CCDC141: variants seen among roughly 807,000 people sequenced by gnomAD.
CCDC141 encodes the protein coiled-coil domain-containing protein 141.
In CCDC141, 168 loss-of-function variants were observed where a neutral mutation model predicts 181.0. The ratio of observed to expected loss-of-function variants is 0.93; its 90% CI spans 0.82 to 1.05. CCDC141 has a LOEUF of 1.05. Ranked by LOEUF, CCDC141 falls within the 50% of genes least tolerant of loss-of-function variation. CCDC141 has a pLI of 0.00. For missense variants in CCDC141, 1,902 were observed against 1,788.5 expected (o/e 1.06, Z -1.14); for synonymous variants, 666 against 642.3 (o/e 1.04, Z -0.56).
At position 178,944,562 on chromosome 2, in the gene CCDC141, CT is replaced by C; in HGVS notation, c.869del (p.Lys290SerfsTer5). 6.5e-7 allele frequency: 1 copy of C among 1,530,004 alleles called. No individual in the cohort carries two copies. The highest frequency in any genetic ancestry group is 8.8e-7 in the Non-Finnish European group (1 of 1,134,172). The allele number at this position is 1,530,004 out of a possible 1,614,324, so 94.8% of individuals were successfully genotyped here. On this transcript the variant is annotated frameshift_variant, in exon 6 of 24. Coordinates refer to ENST00000443758, the MANE Select transcript of CCDC141 (RefSeq NM_173648.4). LOFTEE classifies it high-confidence loss of function. ...TTGCTTTTATTATCAGTTCCTCTTG[CT>C]TATGAATTCGATCCTCATTGTCTGA... ...SLSDNEDRIH[K>X]QEELIIKAKE...
intron 7 of CCDC141, among the ~76,000 whole-genome samples, chr2:178,906,051 T>C (rs901585320): frequency 6.6e-6 from 1 of 152,198 alleles, no homozygotes; most frequent in East Asian, 1.9e-4. Flanking sequence ...AAGGCATCCA[T>C]CTGTCTTCAG....
chr2:178,896,633 C>G (rs1474527734), intron 8 of CCDC141, among the ~76,000 whole-genome samples: 1 of 152,118 alleles, frequency 6.6e-6, no homozygotes, highest in African/African-American at 2.4e-5. Flanking sequence ...CAACAGGCTT[C>G]TTGTTATTGA....
intron 5 of CCDC141, among the ~76,000 whole-genome samples, chr2:178,957,727 T>C (rs1690221527): frequency 6.6e-6 from 1 of 152,172 alleles, no homozygotes; most frequent in Non-Finnish European, 1.5e-5. Context: ...GGGATATTTA[T>C]TTATTTATGT....
intron 6 of CCDC141, among the ~76,000 whole-genome samples, chr2:178,927,537 C>T (rs1437884414): frequency 6.6e-6 from 1 of 151,768 alleles, no homozygotes; most frequent in Non-Finnish European, 1.5e-5. Flanking sequence ...GCAAGGGGGT[C>T]GGTGTTATCA....
At chr2:179,041,179 T>TCCCTGCCTCCACGCCATTC (rs1286202752) in intron 2 of CCDC141, among the ~76,000 whole-genome samples, 1 of 152,052 alleles carries the variant, frequency 6.6e-6, no homozygotes, top group Non-Finnish European at 1.5e-5. Context: ...TCACGCCATT[T>TCCCTGCCTCCACGCCATTC]TCCTGCCTCC....
At chr2:178,897,844 T>C (rs1474631822) in intron 8 of CCDC141, among the ~76,000 whole-genome samples, 1 of 152,184 alleles carries the variant, frequency 6.6e-6, no homozygotes, top group Non-Finnish European at 1.5e-5. Flanking sequence ...AACTTTACCC[T>C]CACACAAGGT....
intron 2 of CCDC141, chr2:179,002,745 G>A (rs533449905): frequency 1.5e-4 from 23 of 155,686 alleles, no homozygotes; most frequent in Non-Finnish European, 1.1e-4. Context: ...CTCCAAGAGC[G>A]TCTACTTCTG....
chr2:179,018,362 G>C (rs574318268), intron 2 of CCDC141, among the ~76,000 whole-genome samples: 15 of 152,120 alleles, frequency 9.9e-5, no homozygotes, highest in Non-Finnish European at 1.6e-4. Context: ...TTATAGAAAC[G>C]CACTTAGTTT....
At chr2:178,872,978 G>T (rs1311976538) in intron 12 of CCDC141, 1 of 152,076 alleles carries the variant, frequency 6.6e-6, no homozygotes, top group Non-Finnish European at 1.5e-5. Context: ...TTTGAAACAA[G>T]GGGAAATTCA....
At chr2:179,032,734 A>T (rs1005992945) in intron 2 of CCDC141, among the ~76,000 whole-genome samples, 3 of 152,024 alleles carry the variant, frequency 2.0e-5, no homozygotes, top group African/African-American at 7.2e-5. Flanking sequence ...GAGGATGATC[A>T]TTTCATCTTT....
At chr2:178,914,123 G>A (rs1025997961) in intron 7 of CCDC141, among the ~76,000 whole-genome samples, 13 of 152,088 alleles carry the variant, frequency 8.5e-5, no homozygotes, top group Non-Finnish European at 1.3e-4. Flanking sequence ...CTATAATCCC[G>A]AAGGATGAAT....
At chr2:178,906,044 G>C (rs1212639748) in intron 7 of CCDC141, among the ~76,000 whole-genome samples, 1 of 152,056 alleles carries the variant, frequency 6.6e-6, no homozygotes, top group Non-Finnish European at 1.5e-5. Flanking sequence ...TCCATCCAAG[G>C]CATCCATCTG....
chr2:178,901,964 GACAA>G (rs1461036483), intron 8 of CCDC141, among the ~76,000 whole-genome samples: 1 of 152,062 alleles, frequency 6.6e-6, no homozygotes, highest in Non-Finnish European at 1.5e-5. Context: ...ACCAACAACA[GACAA>G]ACAGAGAGCC....
chr2:178,860,292 G>A (rs1045615907), intron 17 of CCDC141, among the ~76,000 whole-genome samples: 1 of 151,934 alleles, frequency 6.6e-6, no homozygotes, highest in African/African-American at 2.4e-5. Flanking sequence ...TATCACTTAG[G>A]GAGGCTGAGG....
chr2:178,905,198 T>C (rs1209551728), intron 8 of CCDC141, 131 bp downstream of exon 8: 1 of 801,152 alleles, frequency 1.2e-6, no homozygotes, highest in African/African-American at 1.8e-5. Context: ...CTTCAATAGA[T>C]CCTTTTAAGC....
chr2:178,886,969 A>C, intron 9 of CCDC141, 98 bp from the exon 10 acceptor site: 4 of 683,202 alleles, frequency 5.9e-6, no homozygotes, highest in Non-Finnish European at 8.6e-6. Flanking sequence ...ATAGATTCTC[A>C]TTATACTTGA....
At chr2:179,048,070 T>G (rs2043558341) in intron 1 of CCDC141, among the ~76,000 whole-genome samples, 1 of 152,200 alleles carries the variant, frequency 6.6e-6, no homozygotes, top group Non-Finnish European at 1.5e-5. Flanking sequence ...CCACACAAGA[T>G]TTACACTGCT....
chr2:179,021,479 C>T (rs1364049657), intron 2 of CCDC141, among the ~76,000 whole-genome samples: 4 of 152,184 alleles, frequency 2.6e-5, no homozygotes, highest in South Asian at 4.2e-4. Flanking sequence ...AGGGTCACAG[C>T]TGTCCCGAGT....
chr2:179,039,211 A>C (rs1304331448), intron 2 of CCDC141, among the ~76,000 whole-genome samples: 1 of 152,176 alleles, frequency 6.6e-6, no homozygotes, highest in Non-Finnish European at 1.5e-5. Flanking sequence ...AAGATTAAGT[A>C]CATTGCAGAA....
Sources: gnomAD v4.1 joint callset for allele counts (sites outside exome capture counted in the v4.1 genomes callset) on GRCh38, gnomAD v4.1.1 for gene constraint, MANE v1.5 for transcripts, NCBI Gene and HGNC (gene_info 2026-07-23, HGNC 2026-07-21) for gene names.